KIR2DL1: variants seen among roughly 807,000 people sequenced by gnomAD.
The protein encoded by KIR2DL1 is killer cell immunoglobulin-like receptor 2DL1.
Under a neutral mutation model 33.9 loss-of-function variants are expected in KIR2DL1, and 38 were observed. The ratio of observed to expected loss-of-function variants is 1.12; its 90% CI spans 0.86 to 1.47. The LOEUF (loss-of-function observed/expected upper bound fraction) is 1.47. Ranked by LOEUF, KIR2DL1 falls within the 40% of genes most tolerant of loss-of-function variation. The probability of loss-of-function intolerance (pLI) is 0.00; values close to 1 mark genes in which losing one functional copy is unlikely to be tolerated. For synonymous variants in KIR2DL1, 179 were observed against 165.9 expected, an observed-to-expected ratio of 1.08 and a Z score of -0.61; for missense variants, 531 against 433.9, an observed-to-expected ratio of 1.22 and a Z score of -1.99.
At chr19:54,781,967 T>A (rs960364288) in intron 5 of KIR2DL1, among the ~76,000 whole-genome samples, 5 of 152,028 alleles carry the variant, frequency 3.3e-5, no homozygotes, top group African/African-American at 1.2e-4. Flanking sequence ...TCACTCACCG[T>A]CACTCCAGGG....
intron 5 of KIR2DL1, 110 bp from the exon 6 acceptor site, chr19:54,782,812 T>C: frequency 5.9e-6 from 7 of 1,185,104 alleles, no homozygotes; most frequent in Non-Finnish European, 8.7e-6. Context: ...TCTGGGTGCT[T>C]GTCCTAAAGA....
intron 5 of KIR2DL1, among the ~76,000 whole-genome samples, chr19:54,782,637 CA>C (rs1349577238): frequency 6.6e-6 from 1 of 151,996 alleles, no homozygotes; most frequent in Non-Finnish European, 1.5e-5. Context: ...CTCCATGACC[CA>C]AACACCTCTC....
At chr19:54,780,482 A>T (rs577635759) in intron 5 of KIR2DL1, among the ~76,000 whole-genome samples, 1 of 142,368 alleles carries the variant, frequency 7.0e-6, no homozygotes, top group South Asian at 2.4e-4. Context: ...TACACAGGAA[A>T]CTAAGGAGCA....
intron 5 of KIR2DL1, among the ~76,000 whole-genome samples, chr19:54,778,903 C>G (rs1258463600): frequency 3.4e-5 from 5 of 148,574 alleles, no homozygotes; most frequent in Non-Finnish European, 7.5e-5. Context: ...GATTGCCAAT[C>G]TGACATCCTT....
At chr19:54,782,845 C>T in intron 5 of KIR2DL1, 77 bp from the exon 6 acceptor site, 1 of 1,509,672 alleles carries the variant, frequency 6.6e-7, no homozygotes, top group Non-Finnish European at 9.2e-7. Flanking sequence ...GGTTACCTGT[C>T]AATCAAGAAA....
At chr19:54,778,020 G>A (rs2076543303) in intron 4 of KIR2DL1, among the ~76,000 whole-genome samples, 1 of 148,468 alleles carries the variant, frequency 6.7e-6, no homozygotes, top group African/African-American at 2.5e-5. Flanking sequence ...CAGCACTTTG[G>A]GAGCCCGAGG....
At chr19:54,775,762 T>A (rs2076256792) in intron 4 of KIR2DL1, among the ~76,000 whole-genome samples, 1 of 148,766 alleles carries the variant, frequency 6.7e-6, no homozygotes, top group Non-Finnish European at 1.5e-5. Context: ...CCCCTCAACC[T>A]TACCCATTTC....
intron 4 of KIR2DL1, 30 bp downstream of exon 4, chr19:54,775,488 C>G: frequency 6.4e-7 from 1 of 1,564,358 alleles, no homozygotes; most frequent in East Asian, 2.2e-5. Flanking sequence ...GTCCCATGTC[C>G]TATGATCCTA....
At chr19:54,776,156 C>G (rs2076308108) in intron 4 of KIR2DL1, among the ~76,000 whole-genome samples, 1 of 144,246 alleles carries the variant, frequency 6.9e-6, no homozygotes, top group Admixed American at 7.0e-5. Flanking sequence ...TCCCAAAGTG[C>G]TGGGATTACA....
At chr19:54,774,659 C>A (rs2076121933) in intron 3 of KIR2DL1, among the ~76,000 whole-genome samples, 1 of 147,366 alleles carries the variant, frequency 6.8e-6, no homozygotes, top group Non-Finnish European at 1.5e-5. Flanking sequence ...GATACAGAGG[C>A]AGACATAGAG....
intron 2 of KIR2DL1, among the ~76,000 whole-genome samples, chr19:54,772,458 C>T (rs1224351869): frequency 4.8e-5 from 7 of 145,270 alleles, no homozygotes; most frequent in African/African-American, 1.8e-4. Flanking sequence ...GGTTAGTGTG[C>T]TCTCTCCTGG....
At chr19:54,779,625 G>C (rs1355843441) in intron 5 of KIR2DL1, among the ~76,000 whole-genome samples, 2 of 146,762 alleles carry the variant, frequency 1.4e-5, no homozygotes, top group Non-Finnish European at 3.0e-5. Flanking sequence ...TTTAAGTTCA[G>C]CTGATTAGCA....
chr19:54,782,334 T>C (rs1210443874), intron 5 of KIR2DL1, among the ~76,000 whole-genome samples: 8 of 151,942 alleles, frequency 5.3e-5, no homozygotes, highest in Admixed American at 4.6e-4. Context: ...CTCGGTAACT[T>C]CTAAAGAAAA....
intron 6 of KIR2DL1, 106 bp downstream of exon 6, chr19:54,783,129 G>A: frequency 3.0e-6 from 4 of 1,328,158 alleles, no homozygotes; most frequent in Non-Finnish European, 4.3e-6. Context: ...CCTGGCCCAA[G>A]GCAGCAGCCA....
chr19:54,772,408 C>G (rs371314402), intron 2 of KIR2DL1, among the ~76,000 whole-genome samples: 4,189 of 119,124 alleles, frequency 0.035, no homozygotes, highest in South Asian at 0.056. Context: ...ATTTTACCCA[C>G]GACAAACAGG....
chr19:54,776,943 CT>C (rs1251038121), intron 4 of KIR2DL1, among the ~76,000 whole-genome samples: 2 of 149,266 alleles, frequency 1.3e-5, no homozygotes, highest in African/African-American at 4.9e-5. Context: ...CACCCAACCT[CT>C]TTTTAGTTCT....
At position 54,775,427 on chromosome 19, in the gene KIR2DL1, G is replaced by A. The variant is rs753170536; in HGVS notation, c.633G>A (p.Lys211=). The change falls in exon 4 of 8, where the codon AAG becomes AAA. Residue 211 remains lysine, a synonymous_variant. Coordinates refer to ENST00000336077, the MANE Select transcript of KIR2DL1 (RefSeq NM_014218.3). ...ATGACTCTCCATACGAGTGGTCAAA[G>A]TCAAGTGACCCACTGCTTGTTTCTG... The part of the protein sequence containing the change: ...SFHDSPYEWS[K]SSDPLLVSVT... 6.3e-7 allele frequency: 1 copy of A among 1,583,824 alleles called. No individual in the cohort carries two copies. The highest frequency in any genetic ancestry group is 8.6e-7 in the Non-Finnish European group (1 of 1,156,192).
At chr19:54,777,718 G>A (rs4806558) in intron 4 of KIR2DL1, among the ~76,000 whole-genome samples, 3 of 135,914 alleles carry the variant, frequency 2.2e-5, no homozygotes, top group Admixed American at 1.5e-4. Context: ...CTTGTGTTTT[G>A]AAGGTTTAAA....
intron 5 of KIR2DL1, among the ~76,000 whole-genome samples, chr19:54,782,025 C>A (rs2077019522): frequency 6.6e-6 from 1 of 151,994 alleles, no homozygotes; most frequent in African/African-American, 2.4e-5. Flanking sequence ...TCATTACTAA[C>A]AGATAAGCAG....
Sources: gnomAD v4.1 joint callset for allele counts (sites outside exome capture counted in the v4.1 genomes callset) on GRCh38, gnomAD v4.1.1 for gene constraint, MANE v1.5 for transcripts, NCBI Gene and HGNC (gene_info 2026-07-23, HGNC 2026-07-21) for gene names.